The following MACROD2 variants were observed in gnomAD, a reference collection of about 807,000 sequenced individuals.
The protein encoded by MACROD2 is ADP-ribose glycohydrolase MACROD2.
Under a neutral mutation model 70.4 loss-of-function variants are expected in MACROD2, and 36 were observed. That is an observed-to-expected ratio of 0.51 (90% CI 0.39 to 0.68). The LOEUF is 0.68. MACROD2 is among the 30% of genes least tolerant of loss of function. MACROD2 has a pLI of 0.00. For synonymous variants in MACROD2, 172 were observed against 178.8 expected, an observed-to-expected ratio of 0.96 and a Z score of 0.30; for missense variants, 496 against 538.4, an observed-to-expected ratio of 0.92 and a Z score of 0.78.
intron 5 of MACROD2, among the ~76,000 whole-genome samples, chr20:15,088,457 T>TAA (rs2075769650): frequency 8.1e-6 from 1 of 123,500 alleles, no homozygotes; most frequent in African/African-American, 3.3e-5. Flanking sequence ...ATATAATATT[T>TAA]TGTGTGTGTG....
intron 8 of MACROD2, among the ~76,000 whole-genome samples, chr20:15,654,483 C>A (rs1477083162): frequency 6.6e-6 from 1 of 152,166 alleles, no homozygotes; most frequent in Non-Finnish European, 1.5e-5. Context: ...CATTTTGCAC[C>A]AAGCTAATAC....
chr20:14,537,332 T>C (rs2085378465), intron 4 of MACROD2, among the ~76,000 whole-genome samples: 1 of 152,124 alleles, frequency 6.6e-6, no homozygotes, highest in African/African-American at 2.4e-5. Flanking sequence ...AATGAGCAGA[T>C]TAAGGATAAG....
chr20:14,538,252 C>G (rs2085390591), intron 4 of MACROD2, among the ~76,000 whole-genome samples: 1 of 152,190 alleles, frequency 6.6e-6, no homozygotes, highest in African/African-American at 2.4e-5. Context: ...GAAACCAATG[C>G]ACCCTTTTCT....
chr20:15,436,047 C>T (rs950477481), intron 7 of MACROD2, among the ~76,000 whole-genome samples: 3 of 152,054 alleles, frequency 2.0e-5, no homozygotes, highest in Non-Finnish European at 2.9e-5. Context: ...TTTGGTTAGT[C>T]CCCCTGGGGT....
intron 3 of MACROD2, among the ~76,000 whole-genome samples, chr20:14,233,698 CAA>C (rs1261096475): frequency 7.3e-5 from 2 of 27,470 alleles, no homozygotes; most frequent in Non-Finnish European, 1.4e-4. Context: ...CTCCGTCTCA[CAA>C]AAAAAAAAAA....
At position 15,598,862 on chromosome 20, in the gene MACROD2, AATTAGTC is replaced by A. The variant is rs553950266; in HGVS notation, c.645+99019_645+99025del. On this transcript the variant is annotated intron_variant, in intron 8 of 17. Coordinates refer to ENST00000684519, the MANE Select transcript of MACROD2 (RefSeq NM_001351661.2). ...TATCACATGGAAATTCATACTACAA[AATTAGTC>A]ATTGTTTACGTGAAATTCCAATTTC... 3.2e-3 allele frequency among the ~76,000 whole-genome samples: 486 copies of A among 152,234 alleles called. 1 individual carries two copies. The highest frequency in any genetic ancestry group is 7.4e-3 in the Admixed American group (113 of 15,292).
At chr20:15,602,218 C>G (rs1289392972) in intron 8 of MACROD2, among the ~76,000 whole-genome samples, 1 of 152,062 alleles carries the variant, frequency 6.6e-6, no homozygotes, top group Admixed American at 6.6e-5. Flanking sequence ...AAAGAAAGCC[C>G]GAGGTTGTAT....
intron 5 of MACROD2, among the ~76,000 whole-genome samples, chr20:15,153,659 T>C (rs1346619449): frequency 3.9e-5 from 6 of 152,212 alleles, no homozygotes; most frequent in Non-Finnish European, 7.3e-5. Flanking sequence ...AGATATGGAA[T>C]ACATACTGAA....
At chr20:14,530,382 G>C (rs919699520) in intron 4 of MACROD2, among the ~76,000 whole-genome samples, 9 of 152,176 alleles carry the variant, frequency 5.9e-5, no homozygotes, top group South Asian at 4.2e-4. Flanking sequence ...CCTGCAAAGG[G>C]ATGGAGATTT....
chr20:14,365,175 T>C (rs1217410050), intron 3 of MACROD2, among the ~76,000 whole-genome samples: 5 of 152,174 alleles, frequency 3.3e-5, no homozygotes, highest in East Asian at 3.8e-4. Flanking sequence ...ATATTTTCCA[T>C]TTCTTCTTTA....
intron 3 of MACROD2, among the ~76,000 whole-genome samples, chr20:14,153,994 C>T (rs961980590): frequency 6.6e-6 from 1 of 152,174 alleles, no homozygotes; most frequent in Non-Finnish European, 1.5e-5. Context: ...GTGAAGAACA[C>T]TAAAATGCGA....
At chr20:16,048,205 C>T (rs1196490081) in intron 17 of MACROD2, among the ~76,000 whole-genome samples, 1 of 152,044 alleles carries the variant, frequency 6.6e-6, no homozygotes, top group Non-Finnish European at 1.5e-5. Flanking sequence ...ACAGAACACA[C>T]AAGGAAATGA....
intron 5 of MACROD2, among the ~76,000 whole-genome samples, chr20:15,194,561 A>G (rs749642181): frequency 6.6e-5 from 10 of 152,088 alleles, no homozygotes; most frequent in Non-Finnish European, 1.3e-4. Flanking sequence ...TAATCATTCC[A>G]TAACATCAAT....
intron 6 of MACROD2, among the ~76,000 whole-genome samples, chr20:15,369,871 T>A (rs1454250408): frequency 6.6e-6 from 1 of 152,158 alleles, no homozygotes; most frequent in Non-Finnish European, 1.5e-5. Context: ...AGAAATGGAA[T>A]TTTAAATAAA....
intron 5 of MACROD2, among the ~76,000 whole-genome samples, chr20:15,063,789 C>A (rs566185769): frequency 2.0e-5 from 3 of 152,214 alleles, no homozygotes; most frequent in African/African-American, 7.2e-5. Flanking sequence ...GTTTTTTCCC[C>A]AACATCAGTA....
intron 6 of MACROD2, among the ~76,000 whole-genome samples, chr20:15,286,987 A>G: frequency 6.6e-6 from 1 of 152,194 alleles, no homozygotes; most frequent in East Asian, 1.9e-4. Context: ...GCTACACTGC[A>G]TTTCCCTAGT....
intron 5 of MACROD2, among the ~76,000 whole-genome samples, chr20:15,070,722 A>G (rs2075612559): frequency 6.6e-6 from 1 of 152,158 alleles, no homozygotes; most frequent in Non-Finnish European, 1.5e-5. Context: ...CCAGAAGCTG[A>G]ATGGATCGTG....
chr20:14,346,526 T>C, intron 3 of MACROD2, among the ~76,000 whole-genome samples: 1 of 152,240 alleles, frequency 6.6e-6, no homozygotes, highest in Admixed American at 6.5e-5. Context: ...CCTATTTATG[T>C]GTATTCTAAC....
At chr20:15,690,916 A>C (rs1266433851) in intron 8 of MACROD2, among the ~76,000 whole-genome samples, 2 of 152,120 alleles carry the variant, frequency 1.3e-5, no homozygotes, top group Non-Finnish European at 2.9e-5. Context: ...CCATCCTTGA[A>C]GTGGGAAGGT....
Sources: allele counts gnomAD v4.1 joint callset (sites outside exome capture counted in the v4.1 genomes callset), GRCh38; gene constraint gnomAD v4.1.1; transcripts MANE v1.5; gene names NCBI Gene and HGNC (gene_info 2026-07-23, HGNC 2026-07-21).